Variants in FREM3 observed in about 807,000 individuals in gnomAD.
The protein encoded by FREM3 is FRAS1 related extracellular matrix 3.
A neutral mutation model predicts 129.1 loss-of-function variants in FREM3; 105 were observed. The observed-to-expected ratio is 0.81, with a 90% CI of 0.69 to 0.96. The LOEUF is 0.96. Ranked by LOEUF, FREM3 falls within the 40% of genes least tolerant of loss-of-function variation. The pLI, the probability that FREM3 is intolerant of heterozygous loss-of-function variation, is 0.00. For synonymous variants in FREM3, 1,014 were observed against 1,044.9 expected (o/e 0.97, Z 0.57); for missense variants, 2,593 against 2,666.3 (o/e 0.97, Z 0.61).
chr4:143,600,889 T>C (rs1738559692), intron 6 of FREM3, among the ~76,000 whole-genome samples: 1 of 152,086 alleles, frequency 6.6e-6, no homozygotes, highest in Admixed American at 6.5e-5. Context: ...GTGCTATCAT[T>C]TCTATTGCAA....
chr4:143,591,455 G>T (rs1164995487), intron 6 of FREM3, among the ~76,000 whole-genome samples: 1 of 152,138 alleles, frequency 6.6e-6, no homozygotes, highest in Non-Finnish European at 1.5e-5. Flanking sequence ...GTTCTCATTG[G>T]TTTCAAAGAA....
At chr4:143,669,944 G>A (rs1442397099) in intron 2 of FREM3, among the ~76,000 whole-genome samples, 2 of 152,114 alleles carry the variant, frequency 1.3e-5, no homozygotes, top group Non-Finnish European at 2.9e-5. Flanking sequence ...CCCTTCTCAA[G>A]TAGTCCACTC....
chr4:143,683,555 T>G (rs1198656983), intron 2 of FREM3, among the ~76,000 whole-genome samples: 2 of 152,188 alleles, frequency 1.3e-5, no homozygotes, highest in Non-Finnish European at 2.9e-5. Context: ...CATTCCTGCC[T>G]GGCATCACAG....
intron 6 of FREM3, among the ~76,000 whole-genome samples, chr4:143,589,162 T>G (rs568091045): frequency 1.0e-3 from 152 of 152,328 alleles, no homozygotes; most frequent in African/African-American, 3.6e-3. Flanking sequence ...ATGAGTAGGT[T>G]GCAAAAATTT....
At chr4:143,591,643 G>T (rs1040978751) in intron 6 of FREM3, among the ~76,000 whole-genome samples, 4 of 152,128 alleles carry the variant, frequency 2.6e-5, no homozygotes, top group African/African-American at 9.7e-5. Flanking sequence ...ATTTTCTGAG[G>T]AGAGCTTTAC....
At chr4:143,651,937 AT>A (rs1159944456) in intron 2 of FREM3, among the ~76,000 whole-genome samples, 1 of 152,064 alleles carries the variant, frequency 6.6e-6, no homozygotes, top group East Asian at 1.9e-4. Flanking sequence ...TTGGAGCTGC[AT>A]TTTTTGTAAT....
chr4:143,697,151 G>A lies in FREM3; in HGVS notation c.3525C>T (p.Asn1175=). ...QFTFYCSDGI[N]FSPNVFFPII... is the part of the protein sequence containing the mutation. ...TAGGGAAGAAGACATTTGGGGAGAA[G>A]TTGATGCCATCAGAGCAATAAAAGG... The change falls in exon 1 of 8, where the codon AAC becomes AAT. Residue 1175 remains asparagine, a synonymous_variant. Coordinates refer to ENST00000329798, the MANE Select transcript of FREM3 (RefSeq NM_001168235.2). The A allele has an allele frequency of 3.3e-6, 5 of 1,537,896 alleles. No individual in the cohort carries two copies. Among genetic ancestry groups the A allele is most frequent in the Non-Finnish European group, 4.4e-6 (5 of 1,147,050 alleles).
chr4:143,664,808 C>CA (rs1370040029), intron 2 of FREM3, among the ~76,000 whole-genome samples: 2 of 152,168 alleles, frequency 1.3e-5, no homozygotes, highest in African/African-American at 2.4e-5. Flanking sequence ...GCCCCTCCCC[C>CA]AACCTCGCTG....
intron 2 of FREM3, among the ~76,000 whole-genome samples, chr4:143,672,405 T>C (rs1339753500): frequency 6.6e-6 from 1 of 152,244 alleles, no homozygotes; most frequent in Non-Finnish European, 1.5e-5. Context: ...TGTCATACTT[T>C]GGACCTCAAC....
chr4:143,666,050 G>C (rs1284378695), intron 2 of FREM3, among the ~76,000 whole-genome samples: 4 of 151,964 alleles, frequency 2.6e-5, no homozygotes, highest in Non-Finnish European at 1.5e-5. Context: ...TATATTGATT[G>C]CTCTTCTTAG....
chr4:143,664,735 C>G (rs1409445017), intron 2 of FREM3, among the ~76,000 whole-genome samples: 2 of 152,156 alleles, frequency 1.3e-5, no homozygotes, highest in Non-Finnish European at 2.9e-5. Context: ...CTGTGGTGGG[C>G]TCCACCCAGT....
At chr4:143,635,002 G>A (rs971277341) in intron 2 of FREM3, among the ~76,000 whole-genome samples, 1 of 152,166 alleles carries the variant, frequency 6.6e-6, no homozygotes, top group Non-Finnish European at 1.5e-5. Flanking sequence ...ATTAACAATT[G>A]TATTCTGTGT....
chr4:143,698,274 T>C lies in FREM3; in HGVS notation c.2402A>G (p.Gln801Arg). Residue 801 changes from glutamine (Q) to arginine (R), a missense_variant, in exon 1 of 8, where the codon CAG becomes CGG. This residue lies in a region of FREM3 where 2,276 missense variants were observed against 2,267.2 expected (regional missense o/e 1.00). Transcript: ENST00000329798. ...AGCATCTTCCACCTGGTAAGTAAAC[T>C]GCACAACCCGTGGTGCAATACCCAA... ...QKLGIAPRVV[Q>R]FTYQVEDAAG... 6.5e-7 allele frequency: 1 copy of C among 1,537,618 alleles called. No individual in the cohort carries two copies. Among genetic ancestry groups the C allele is most frequent in the Non-Finnish European group, 8.7e-7 (1 of 1,147,004 alleles).
At chr4:143,605,707 A>T (rs1738657338) in intron 6 of FREM3, among the ~76,000 whole-genome samples, 1 of 152,176 alleles carries the variant, frequency 6.6e-6, no homozygotes, top group Non-Finnish European at 1.5e-5. Flanking sequence ...TCTGACTTTC[A>T]TGTGCAGCCA....
At chr4:143,635,704 A>G (rs2149844975) in intron 2 of FREM3, among the ~76,000 whole-genome samples, 1 of 152,336 alleles carries the variant, frequency 6.6e-6, no homozygotes, top group East Asian at 1.9e-4. Context: ...AGAATGATAA[A>G]ACATTTTAGA....
At chr4:143,592,130 G>A (rs1384663029) in intron 6 of FREM3, among the ~76,000 whole-genome samples, 19 of 152,084 alleles carry the variant, frequency 1.2e-4, no homozygotes, top group Non-Finnish European at 1.9e-4. Context: ...GAGCCTATGT[G>A]TGTCTCTGCA....
Position 143,695,996 on chromosome 4 carries a change from C to T in FREM3, c.4680G>A (p.Leu1560=). 2 of 1,537,876 alleles carry T rather than the reference C, an allele frequency of 1.3e-6. No individual in the cohort carries two copies. The highest frequency in any genetic ancestry group is 1.7e-6 in the Non-Finnish European group (2 of 1,147,052). ...CTGGGGTATCACTGTCTTCCACTGT[C>T]AACTCAAGGAGAGTGATCAGTTGGC... is the stretch of plus-strand genomic sequence containing the variant. ...EDSQLITLLE[L]TVEDSDTPDD... is the part of the protein sequence containing the mutation. Residue 1560 remains leucine (L), a synonymous_variant, in exon 1 of 8, where the codon TTG becomes TTA. Coordinates refer to ENST00000329798, the MANE Select transcript of FREM3 (RefSeq NM_001168235.2).
At chr4:143,691,418 T>TA (rs11302181) in intron 2 of FREM3, among the ~76,000 whole-genome samples, 16 of 149,924 alleles carry the variant, frequency 1.1e-4, no homozygotes, top group Non-Finnish European at 2.2e-4. Context: ...ATGGAAAAAT[T>TA]AAAAAAAAAA....
intron 2 of FREM3, among the ~76,000 whole-genome samples, chr4:143,663,878 G>A (rs1001636494): frequency 1.1e-4 from 16 of 151,822 alleles, no homozygotes; most frequent in Non-Finnish European, 2.4e-4. Context: ...TGATCGCATC[G>A]GCTCCTGAGG....
Sources: gnomAD v4.1 joint callset for allele counts (sites outside exome capture counted in the v4.1 genomes callset) on GRCh38, gnomAD v4.1.1 for gene constraint, gnomAD v4.1.1 regional missense constraint, MANE v1.5 for transcripts, NCBI Gene and HGNC (gene_info 2026-07-23, HGNC 2026-07-21) for gene names.